AVIL: variants seen among roughly 807,000 people sequenced by gnomAD.
AVIL encodes advillin.
A neutral mutation model predicts 109.9 loss-of-function variants in AVIL; 78 were observed. That is an observed-to-expected ratio of 0.71 (90% confidence interval 0.59 to 0.86). The LOEUF is 0.86. Ranked by LOEUF, AVIL falls within the 40% of genes least tolerant of loss-of-function variation. The pLI, the probability that AVIL is intolerant of heterozygous loss-of-function variation, is 0.00. For synonymous variants in AVIL, 367 were observed against 379.1 expected, an observed-to-expected ratio of 0.97 and a Z score of 0.37; for missense variants, 892 against 1,016.5, an observed-to-expected ratio of 0.88 and a Z score of 1.67.
In AVIL at chr12:57,809,801, ACT is replaced by A. The variant is rs1956011344; in HGVS notation, c.840+9_840+10del. The A allele has an allele frequency of 6.2e-7, 1 of 1,613,524 alleles. No individual in the cohort carries two copies. Among genetic ancestry groups the A allele is most frequent in the Non-Finnish European group, 8.5e-7 (1 of 1,179,814 alleles). ...GCTACCCCAAGCTAAGTCCACCCAA[ACT>A]CTACTTACATCATGGTTCAGTAAGT... is the stretch of plus-strand genomic sequence containing the variant. On this transcript the variant is annotated intron_variant, in intron 8 of 19. Transcript: ENST00000549994.
chr12:57,807,079 G>C (rs1489844125), intron 13 of AVIL, among the ~76,000 whole-genome samples: 1 of 152,126 alleles, frequency 6.6e-6, no homozygotes, highest in Non-Finnish European at 1.5e-5. Context: ...AGCTGAGGGT[G>C]GTGCACCTGC....
In AVIL at chr12:57,806,465, T is replaced by G; in HGVS notation, c.1566A>C (p.Lys522Asn). ...VRLFQIHGND[K>N]SNTKAVEVPA... ...GAACTTCCACTGCTTTGGTGTTAGA[T>G]TTGTCATTTCCATGAATTTGGAAGA... Residue 522 changes from lysine to asparagine, a missense_variant, in exon 14 of 20, where the codon AAA (lysine) becomes AAC (asparagine). Physicochemically the swap from Lys to Asn is moderately conservative, Grantham distance 94. Coordinates refer to ENST00000549994, the MANE Select transcript of AVIL (RefSeq NM_006576.4). 6.2e-7 allele frequency: 1 copy of G among 1,614,156 alleles called. No homozygotes were observed. The highest frequency in any genetic ancestry group is 8.5e-7 in the Non-Finnish European group (1 of 1,180,020).
intron 18 of AVIL, 49 bp downstream of exon 18, chr12:57,801,095 C>T: frequency 3.3e-6 from 5 of 1,506,978 alleles, no homozygotes; most frequent in South Asian, 1.1e-5. Flanking sequence ...TGTTCTCTGG[C>T]TCTGGTTGCC....
chr12:57,808,647 C>T (rs1490932122), intron 9 of AVIL, 99 bp from the exon 10 acceptor site: 9 of 1,377,764 alleles, frequency 6.5e-6, no homozygotes, highest in African/African-American at 2.9e-5. Context: ...ATGATATAAG[C>T]GTCTCCCCTC....
intron 9 of AVIL, among the ~76,000 whole-genome samples, chr12:57,809,367 A>T (rs760855729): frequency 4.6e-5 from 7 of 152,222 alleles, no homozygotes; most frequent in Non-Finnish European, 1.0e-4. Context: ...CCCCCATGTT[A>T]GATATGGGGA....
chr12:57,814,021 G>A, intron 3 of AVIL, 131 bp downstream of exon 3: 1 of 936,398 alleles, frequency 1.1e-6, no homozygotes, highest in South Asian at 1.6e-5. Context: ...GGTCTGCTCT[G>A]CATAGCACTG....
In AVIL at chr12:57,803,374, A is replaced by G. The variant is rs768916239; in HGVS notation, c.1835T>C (p.Leu612Pro). ...ANDKRLQQEI[L>P]DVQSRLFECS... is the part of the protein sequence containing the mutation. ...TTCAAAGAGACGAGACTGGACATCT[A>G]GGATTTCCTGCTGAAGTCTGCAATA... The change falls in exon 16 of 20, where the codon CTA (leucine) becomes CCA (proline). Residue 612 changes from leucine (L) to proline (P), a missense_variant. By Grantham distance (98) the Leu-to-Pro change is moderately conservative. Transcript: ENST00000549994. 1.9e-6 allele frequency: 3 copies of G among 1,614,248 alleles called. No individual in the cohort carries two copies. Among genetic ancestry groups the G allele is most frequent in the Non-Finnish European group, 2.5e-6 (3 of 1,180,036 alleles).
At chr12:57,814,422 C>T (rs1038425729) in intron 2 of AVIL, 196 bp from the exon 3 acceptor site, 3 of 583,628 alleles carry the variant, frequency 5.1e-6, no homozygotes, top group East Asian at 5.8e-5. Context: ...GCTCTGCTTG[C>T]ATCACCCCGG....
rs1955765990 is a variant in AVIL, at chr12:57,797,812, A to G, written c.*70T>C. ...GAATGTCAGGCAGAAATTGGTGGAT[A>G]AATTATTTCCTGATATTGGCACTAT... On this transcript the variant is annotated 3_prime_UTR_variant, in exon 20 of 20. Transcript: ENST00000549994. The G allele has an allele frequency of 8.2e-7, 1 of 1,218,706 alleles. No homozygotes were observed. The highest frequency in any genetic ancestry group is 2.6e-5 in the East Asian group (1 of 38,096). The allele number at this position is 1,218,706 out of a possible 1,614,324, so 75.5% of individuals were successfully genotyped here.
intron 4 of AVIL, among the ~76,000 whole-genome samples, chr12:57,812,926 G>T (rs944686674): frequency 1.3e-5 from 2 of 152,172 alleles, no homozygotes; most frequent in African/African-American, 2.4e-5. Context: ...ACCTGGATAC[G>T]TGAGGATTTC....
At position 57,802,140 on chromosome 12, in the gene AVIL, TC is replaced by T. The variant is rs1220502552; in HGVS notation, c.2151+19del. The T allele has an allele frequency of 1.2e-6, 2 of 1,612,778 alleles. No homozygotes were observed. The highest frequency in any genetic ancestry group is 1.7e-6 in the Non-Finnish European group (2 of 1,179,124). Reference sequence around the variant, plus strand: ...AGCTACCTGGCAGGAAGTTAGAGCTTCCCTACTCTCTTTTCTTACACTCCAA... The same window carrying T: ...AGCTACCTGGCAGGAAGTTAGAGCTTCCTACTCTCTTTTCTTACACTCCAA... On this transcript the variant is annotated intron_variant, in intron 17 of 19. Coordinates refer to ENST00000549994, the MANE Select transcript of AVIL (RefSeq NM_006576.4).
chr12:57,812,770 G>A (rs896253314), intron 4 of AVIL, among the ~76,000 whole-genome samples: 1 of 152,224 alleles, frequency 6.6e-6, no homozygotes, highest in Non-Finnish European at 1.5e-5. Flanking sequence ...TGTTAGGTGT[G>A]TATCTAATCT....
intron 17 of AVIL, chr12:57,801,497 T>C (rs1955847235): frequency 4.1e-6 from 1 of 241,048 alleles, no homozygotes; most frequent in Non-Finnish European, 8.2e-6. Context: ...CCCAGCACTT[T>C]GGGAGGCTGA....
At chr12:57,802,645 C>G (rs1324329865) in intron 16 of AVIL, 1 of 667,168 alleles carries the variant, frequency 1.5e-6, no homozygotes, top group Admixed American at 2.4e-5. Context: ...CTCTAAGCAC[C>G]TTAAAAATAA....
Position 57,804,187 on chromosome 12 carries a change from A to G in AVIL, c.1672-518T>C, listed in dbSNP as rs532603399. On this transcript the variant is annotated intron_variant, in intron 14 of 19. Transcript: ENST00000549994. ...AACCATGAATCTATTCTCCATCACT[A>G]TAGTTTTGCCTTTTCCAGAATGCTG... 3.3e-5 allele frequency: 5 copies of G among 153,158 alleles called. No homozygotes were observed. The South Asian group carries it at 6.2e-4, about 19-fold the overall frequency. 9.5% of individuals were successfully genotyped at this position (153,158 alleles called of 1,614,324 possible). A position where few individuals can be genotyped will look rare whatever the true frequency, so the allele number is the denominator to read the frequency against.
At chr12:57,808,069 C>A in intron 11 of AVIL, 125 bp downstream of exon 11, 1 of 1,124,846 alleles carries the variant, frequency 8.9e-7, no homozygotes, top group Non-Finnish European at 1.3e-6. Flanking sequence ...TTAAAGAAGA[C>A]TCCTGAGGTG....
rs2140454305 is a variant in AVIL at position 57,809,867 on chromosome 12, A to G, written c.785T>C (p.Leu262Pro). The G allele has an allele frequency of 6.2e-7, 1 of 1,614,194 alleles. No individual in the cohort carries two copies. Among genetic ancestry groups the G allele is most frequent in the East Asian group, 2.2e-5 (1 of 44,888 alleles). ...CCTTGTTGCTACCTCTGTGACTGCC[A>G]GCTGCCCAGCTGAATCTGAGATACT... ...LYHISDSAGQ[L>P]AVTEVATRPL... is the part of the protein sequence containing the mutation. Residue 262 changes from leucine (L) to proline (P), a missense_variant, in exon 8 of 20, where the codon CTG becomes CCG. Transcript: ENST00000549994.
intron 4 of AVIL, among the ~76,000 whole-genome samples, chr12:57,811,890 C>G (rs1424769303): frequency 6.6e-6 from 1 of 152,254 alleles, no homozygotes; most frequent in Admixed American, 6.5e-5. Flanking sequence ...TGTTATGTGT[C>G]TGTGCATTCC....
At chr12:57,816,582 C>T (rs1176664284) in intron 1 of AVIL, 3 of 152,062 alleles carry the variant, frequency 2.0e-5, no homozygotes, top group Non-Finnish European at 4.4e-5. Flanking sequence ...AAAAGCTAGT[C>T]AGAAAAAATA....
Sources: allele counts gnomAD v4.1 joint callset (sites outside exome capture counted in the v4.1 genomes callset), GRCh38; gene constraint gnomAD v4.1.1; transcripts MANE v1.5; gene names NCBI Gene and HGNC (gene_info 2026-07-23, HGNC 2026-07-21).